The following POLE4 variants were observed in gnomAD, a reference collection of about 807,000 sequenced individuals.
The protein encoded by POLE4 is DNA polymerase epsilon subunit 4.
Under a neutral mutation model 15.6 loss-of-function variants are expected in POLE4, and 15 were observed. The observed-to-expected ratio is 0.96, with a 90% CI of 0.64 to 1.48. The LOEUF (loss-of-function observed/expected upper bound fraction) is 1.48. Among genes scored for constraint, POLE4 ranks in the 40% most tolerant of loss-of-function variants. The probability of loss-of-function intolerance (pLI) is 0.00; values close to 1 mark genes in which losing one functional copy is unlikely to be tolerated. For synonymous variants in POLE4, 83 were observed against 63.2 expected (o/e 1.31, Z -1.49); for missense variants, 205 against 151.9 (o/e 1.35, Z -1.84).
intron 3 of POLE4, among the ~76,000 whole-genome samples, chr2:74,965,508 A>C (rs561073723): frequency 6.6e-6 from 1 of 152,280 alleles, no homozygotes; most frequent in South Asian, 2.1e-4. Flanking sequence ...TGCAATGCCA[A>C]ATTTGGTTAT....
intron 3 of POLE4, among the ~76,000 whole-genome samples, chr2:74,968,437 A>T (rs1260392424): frequency 6.6e-6 from 1 of 151,848 alleles, no homozygotes; most frequent in Admixed American, 6.6e-5. Flanking sequence ...TGTGTATGGG[A>T]TGAGGGGGTG....
intron 2 of POLE4, 141 bp from the exon 3 acceptor site, chr2:74,959,964 A>G: frequency 1.5e-6 from 1 of 686,462 alleles, no homozygotes; most frequent in East Asian, 2.5e-5. Context: ...GTAGATATGG[A>G]TCTCAAGGCA....
rs1372623938 is a variant in POLE4, at chr2:74,969,666, G to A, written c.*244G>A. On this transcript the variant is annotated 3_prime_UTR_variant, in exon 4 of 4. Transcript: ENST00000483063. The stretch of plus-strand genomic sequence containing the variant: ...TGCTGCTGCTTAGAGCAGAGATGAA[G>A]AAAGTGTTCTGCATAAGTGGCTTCC... The A allele has an allele frequency of 1.3e-5, 7 of 557,978 alleles. No homozygotes were observed. Among genetic ancestry groups the A allele is most frequent in the Non-Finnish European group, 2.3e-5 (7 of 310,134 alleles). 34.6% of individuals were successfully genotyped at this position (557,978 alleles called of 1,614,324 possible).
chr2:74,961,116 G>T (rs574568150), intron 3 of POLE4: 4 of 152,684 alleles, frequency 2.6e-5, no homozygotes, highest in African/African-American at 9.7e-5. Context: ...GTTGTTGAGC[G>T]ACACATGTAT....
chr2:74,958,781 T>A lies in POLE4; in HGVS notation c.102T>A (p.Pro34=). The A allele has an allele frequency of 1.3e-6, 2 of 1,550,478 alleles. No individual in the cohort carries two copies. Among genetic ancestry groups the A allele is most frequent in the South Asian group, 1.2e-5 (1 of 84,070 alleles). Residue 34 remains proline (P), a synonymous_variant, in exon 1 of 4, where the codon CCT becomes CCA. Transcript: ENST00000483063. ...ASQPQAPTSV[P]GARLSRLPLA... ...AGCCCCAGGCCCCAACGAGTGTGCC[T>A]GGGGCTCGTCTCTCGAGGTTGCCTC...
At chr2:74,959,041 G>A in intron 1 of POLE4, 149 bp downstream of exon 1, 1 of 703,512 alleles carries the variant, frequency 1.4e-6, no homozygotes, top group Admixed American at 2.9e-5. Context: ...AGGGGCCGGG[G>A]ACCTGTGCGA....
rs1420252163 is a variant in POLE4 at position 74,958,850 on chromosome 2, G to T, written c.171G>T (p.Thr57=). The change falls in exon 1 of 4, where the codon ACG becomes ACT. Residue 57 remains threonine, a synonymous_variant. Coordinates refer to ENST00000483063, the MANE Select transcript of POLE4 (RefSeq NM_019896.4). ...TGGTGAAGGCAGATCCCGACGTGAC[G>T]CTAGCGGGACAGGAAGCCATCTTCA... is the stretch of plus-strand genomic sequence containing the variant. ...KALVKADPDV[T]LAGQEAIFIL... 3.2e-6 allele frequency: 5 copies of T among 1,561,674 alleles called. No homozygotes were observed. Among genetic ancestry groups the T allele is most frequent in the Non-Finnish European group, 4.3e-6 (5 of 1,153,000 alleles).
chr2:74,966,800 T>C (rs1054801954), intron 3 of POLE4, among the ~76,000 whole-genome samples: 30 of 152,192 alleles, frequency 2.0e-4, no homozygotes, highest in African/African-American at 6.5e-4. Flanking sequence ...TAACTGACTC[T>C]CTCATTTTTT....
chr2:74,965,252 C>T (rs759705106), intron 3 of POLE4, among the ~76,000 whole-genome samples: 56 of 151,892 alleles, frequency 3.7e-4, no homozygotes, highest in Non-Finnish European at 7.1e-4. Context: ...CACCACCACA[C>T]CCCAATAATT....
intron 3 of POLE4, among the ~76,000 whole-genome samples, chr2:74,962,903 C>T (rs888650180): frequency 3.3e-5 from 5 of 152,132 alleles, no homozygotes; most frequent in Non-Finnish European, 2.9e-5. Flanking sequence ...GGAACCAAAC[C>T]GTATGCATTC....
chr2:74,963,188 A>G lies in POLE4; in HGVS notation c.340+3042A>G, dbSNP rs1237389434. On this transcript the variant is annotated intron_variant, in intron 3 of 3. Transcript: ENST00000483063. ...GGCTATATAGAGTATTCGTATCTCCATCTTTGGCAGGTACTGCTGAACTTC... is the reference window on the plus strand; with the variant it reads ...GGCTATATAGAGTATTCGTATCTCCGTCTTTGGCAGGTACTGCTGAACTTC... 2.0e-5 allele frequency among the ~76,000 whole-genome samples: 3 copies of G among 152,226 alleles called. No homozygotes were observed. In the East Asian group the frequency reaches 5.8e-4, roughly 29 times the overall value.
rs764184953 is a variant in POLE4, at chr2:74,969,755, G to A, written c.*333G>A. ...TCAGTCCAGTGTGTTTTATAATCTCGCCTTTGTTCCTACCCTGTGACTGGA... is the reference window on the plus strand; with the variant it reads ...TCAGTCCAGTGTGTTTTATAATCTCACCTTTGTTCCTACCCTGTGACTGGA... On this transcript the variant is annotated 3_prime_UTR_variant, in exon 4 of 4. Coordinates refer to ENST00000483063, the MANE Select transcript of POLE4 (RefSeq NM_019896.4). 2.4e-5 allele frequency: 7 copies of A among 287,838 alleles called. No individual in the cohort carries two copies. The highest frequency in any genetic ancestry group is 1.8e-4 in the Admixed American group (4 of 22,486). The allele number at this position is 287,838 out of a possible 1,614,324, so 17.8% of individuals were successfully genotyped here. A position where few individuals can be genotyped will look rare whatever the true frequency, so the allele number is the denominator to read the frequency against.
chr2:74,961,599 G>T (rs1274095947), intron 3 of POLE4: 1 of 152,192 alleles, frequency 6.6e-6, no homozygotes. Flanking sequence ...CTGCCCTGGG[G>T]AAAATAAACT....
chr2:74,962,809 C>T (rs938553907), intron 3 of POLE4, among the ~76,000 whole-genome samples: 1 of 152,226 alleles, frequency 6.6e-6, no homozygotes, highest in Admixed American at 6.5e-5. Context: ...TTGGTAATTA[C>T]TTCCTTTTCT....
rs1671183251 is a variant in POLE4 at position 74,959,433 on chromosome 2, G to T, written c.298+8G>T. On this transcript the variant is annotated splice_region_variant and intron_variant, in intron 2 of 3. Transcript: ENST00000483063. ...TTCAGAGGAGAGACTTGGGTAGAGTGGCACTGCAGTGTCTGGGGACAGACA... is the reference window on the plus strand; with the variant it reads ...TTCAGAGGAGAGACTTGGGTAGAGTTGCACTGCAGTGTCTGGGGACAGACA... 1 of 1,583,066 alleles carries T rather than the reference G, an allele frequency of 6.3e-7. No individual in the cohort carries two copies. The highest frequency in any genetic ancestry group is 8.7e-7 in the Non-Finnish European group (1 of 1,152,174).
At chr2:74,965,156 C>T (rs919866250) in intron 3 of POLE4, among the ~76,000 whole-genome samples, 5 of 148,478 alleles carry the variant, frequency 3.4e-5, no homozygotes, top group East Asian at 2.0e-4. Flanking sequence ...TACAGTGGTA[C>T]GATCTCAGCT....
rs1671348754 is a variant in POLE4, at chr2:74,969,968, T to A, written c.*546T>A. Reference sequence around the variant, plus strand: ...GGTCCTAGATTGAAAGCCAGTTAAATTTTTTTTAAGTTTTATTTATTGACA... The same window carrying A: ...GGTCCTAGATTGAAAGCCAGTTAAAATTTTTTTAAGTTTTATTTATTGACA... On this transcript the variant is annotated 3_prime_UTR_variant, in exon 4 of 4. Coordinates refer to ENST00000483063, the MANE Select transcript of POLE4 (RefSeq NM_019896.4). The A allele has an allele frequency of 6.5e-6, 1 of 153,210 alleles. No homozygotes were observed. The highest frequency in any genetic ancestry group is 2.4e-5 in the African/African-American group (1 of 41,452). The allele number at this position is 153,210 out of a possible 1,614,324, so 9.5% of individuals were successfully genotyped here. A position where few individuals can be genotyped will look rare whatever the true frequency, so the allele number is the denominator to read the frequency against.
chr2:74,959,449 G>A lies in POLE4; in HGVS notation c.298+24G>A, dbSNP rs200469304. ...GGGTAGAGTGGCACTGCAGTGTCTG[G>A]GGACAGACAAGGGAGGGCTGGGCTG... On this transcript the variant is annotated intron_variant, in intron 2 of 3. Coordinates refer to ENST00000483063, the MANE Select transcript of POLE4 (RefSeq NM_019896.4). The A allele has an allele frequency of 3.7e-3, 5,544 of 1,491,084 alleles. 23 individuals carry two copies. The highest frequency in any genetic ancestry group is 4.3e-3 in the South Asian group (375 of 88,214). 92.4% of individuals were successfully genotyped at this position (1,491,084 alleles called of 1,614,324 possible). A position where few individuals can be genotyped will look rare whatever the true frequency, so the allele number is the denominator to read the frequency against.
chr2:74,959,808 C>G, intron 2 of POLE4: 1 of 463,526 alleles, frequency 2.2e-6, no homozygotes, highest in African/African-American at 2.0e-5. Context: ...TTGCCACGTT[C>G]TTCTCTGACA....
Sources: gnomAD v4.1 joint callset for allele counts (sites outside exome capture counted in the v4.1 genomes callset) on GRCh38, gnomAD v4.1.1 for gene constraint, MANE v1.5 for transcripts, NCBI Gene and HGNC (gene_info 2026-07-23, HGNC 2026-07-21) for gene names.